The following EPC2 variants were observed in gnomAD, a reference collection of about 807,000 sequenced individuals.
The protein encoded by EPC2 is enhancer of polycomb homolog 2.
In EPC2, 14 loss-of-function variants were observed where a neutral mutation model predicts 92.1. The observed-to-expected ratio is 0.15, with a 90% confidence interval of 0.10 to 0.24. EPC2 has a LOEUF of 0.24. Ranked by LOEUF, EPC2 falls within the 10% of genes least tolerant of loss-of-function variation. The probability of loss-of-function intolerance (pLI) is 1.00; values close to 1 mark genes in which losing one functional copy is unlikely to be tolerated. For synonymous variants in EPC2, 340 were observed against 334.7 expected (o/e 1.02, Z -0.17); for missense variants, 755 against 971.5 (o/e 0.78, Z 2.96).
At chr2:148,699,277 G>C (rs1438215870) in intron 2 of EPC2, among the ~76,000 whole-genome samples, 4 of 152,158 alleles carry the variant, frequency 2.6e-5, no homozygotes, top group African/African-American at 9.7e-5. Context: ...GTATTAGTCA[G>C]TACATTTCTT....
chr2:148,712,866 T>C (rs1278822796), intron 2 of EPC2, among the ~76,000 whole-genome samples: 1 of 151,996 alleles, frequency 6.6e-6, no homozygotes, highest in Non-Finnish European at 1.5e-5. Context: ...CTGGGCAACA[T>C]TGTGAGATCC....
chr2:148,696,705 G>A (rs981306024), intron 2 of EPC2, among the ~76,000 whole-genome samples: 1 of 152,174 alleles, frequency 6.6e-6, no homozygotes, highest in African/African-American at 2.4e-5. Flanking sequence ...TGTGTTAGGA[G>A]GAGTTACCAA....
At chr2:148,646,612 A>T (rs199946292) in intron 1 of EPC2, among the ~76,000 whole-genome samples, 13 of 115,766 alleles carry the variant, frequency 1.1e-4, no homozygotes, top group Admixed American at 2.6e-4. Flanking sequence ...TTTTTTTTTT[A>T]ATTTGTTTCT....
rs1212904531 is a variant in EPC2, at chr2:148,663,193, TGTATTA to T, written c.153+18024_153+18029del. Among the ~76,000 whole-genome samples the T allele has an allele frequency of 6.2e-3, 610 of 98,640 alleles. 3 individuals carry two copies. The highest frequency in any genetic ancestry group is 0.02 in the African/African-American group (560 of 28,710). The allele number at this position is 98,640 out of a possible 152,430, so 64.7% of individuals were successfully genotyped here. A position where few individuals can be genotyped will look rare whatever the true frequency, so the allele number is the denominator to read the frequency against. On this transcript the variant is annotated intron_variant, in intron 1 of 13. Transcript: ENST00000258484. The stretch of plus-strand genomic sequence containing the variant: ...CCTCAAAAGGTATCTACTGTGTTTT[TGTATTA>T]TTATTATTATTATTATTATTATTAT...
At chr2:148,658,607 GTATATA>G (rs3076616) in intron 1 of EPC2, among the ~76,000 whole-genome samples, 18,188 of 140,866 alleles carry the variant, frequency 0.13, 1,497 homozygotes, top group East Asian at 0.3. Context: ...GTGTGTGTGT[GTATATA>G]TATATATATA....
At chr2:148,676,735 T>C (rs1398700126) in intron 1 of EPC2, among the ~76,000 whole-genome samples, 1 of 152,006 alleles carries the variant, frequency 6.6e-6, no homozygotes, top group Non-Finnish European at 1.5e-5. Flanking sequence ...TGTGTAATAG[T>C]GTAATTTACA....
At chr2:148,664,933 A>G (rs946675024) in intron 1 of EPC2, among the ~76,000 whole-genome samples, 1 of 152,238 alleles carries the variant, frequency 6.6e-6, no homozygotes, top group Non-Finnish European at 1.5e-5. Context: ...GGGTAAATAC[A>G]TACCTGAAGG....
At chr2:148,645,945 G>C (rs1266548531) in intron 1 of EPC2, among the ~76,000 whole-genome samples, 2 of 152,260 alleles carry the variant, frequency 1.3e-5, no homozygotes, top group East Asian at 3.8e-4. Context: ...GTCCTTAGAA[G>C]TTGAGGACCT....
chr2:148,704,475 A>G (rs1273124110), intron 2 of EPC2, among the ~76,000 whole-genome samples: 1 of 152,186 alleles, frequency 6.6e-6, no homozygotes, highest in Non-Finnish European at 1.5e-5. Flanking sequence ...ATTTAATACC[A>G]CTGAACTGCA....
chr2:148,692,548 C>T (rs1035697867), intron 2 of EPC2: 9 of 152,094 alleles, frequency 5.9e-5, no homozygotes, highest in East Asian at 1.9e-4. Context: ...AACACACATG[C>T]GAAAATTATT....
intron 6 of EPC2, among the ~76,000 whole-genome samples, chr2:148,764,305 A>G (rs952839036): frequency 1.3e-5 from 2 of 152,166 alleles, no homozygotes; most frequent in Non-Finnish European, 2.9e-5. Flanking sequence ...GAATGCCAGT[A>G]TGTTAAAACA....
intron 2 of EPC2, among the ~76,000 whole-genome samples, chr2:148,730,389 T>C (rs1379851454): frequency 1.3e-5 from 2 of 152,246 alleles, no homozygotes; most frequent in African/African-American, 4.8e-5. Context: ...GGTTTACAGA[T>C]TTTTAAAGTT....
chr2:148,677,160 C>T (rs1167516317), intron 1 of EPC2, among the ~76,000 whole-genome samples: 1 of 152,100 alleles, frequency 6.6e-6, no homozygotes, highest in Non-Finnish European at 1.5e-5. Context: ...AAAACGTTTA[C>T]TGTATTTTCT....
At chr2:148,722,011 A>T (rs559137878) in intron 2 of EPC2, among the ~76,000 whole-genome samples, 20 of 150,752 alleles carry the variant, frequency 1.3e-4, no homozygotes, top group East Asian at 3.9e-4. Context: ...TTGGAAAAGT[A>T]CAGCATTCTT....
At chr2:148,754,323 GA>G (rs1464504662) in intron 4 of EPC2, among the ~76,000 whole-genome samples, 190 bp downstream of exon 4, 1 of 152,082 alleles carries the variant, frequency 6.6e-6, no homozygotes, top group Non-Finnish European at 1.5e-5. Context: ...CCCACCACAA[GA>G]AATCCTACTT....
chr2:148,710,757 A>C (rs1209286459), intron 2 of EPC2, among the ~76,000 whole-genome samples: 1 of 152,196 alleles, frequency 6.6e-6, no homozygotes, highest in Non-Finnish European at 1.5e-5. Flanking sequence ...CAAAAAACCA[A>C]ACACCGCATG....
intron 13 of EPC2, 117 bp downstream of exon 13, chr2:148,785,118 A>C (rs1405527824): frequency 1.2e-6 from 1 of 824,716 alleles, no homozygotes; most frequent in African/African-American, 1.8e-5. Flanking sequence ...CTTGATTTTC[A>C]ATAGATACTG....
intron 1 of EPC2, among the ~76,000 whole-genome samples, chr2:148,669,378 G>T (rs553233183): frequency 6.6e-6 from 1 of 152,260 alleles, no homozygotes; most frequent in Non-Finnish European, 1.5e-5. Context: ...CTGGGATGCG[G>T]TTAAGTTACT....
intron 1 of EPC2, among the ~76,000 whole-genome samples, chr2:148,660,337 G>A (rs573756984): frequency 2.0e-5 from 3 of 152,276 alleles, no homozygotes; most frequent in African/African-American, 7.2e-5. Context: ...AGACATGGGC[G>A]TTGTAAGAGA....
Sources: allele counts gnomAD v4.1 joint callset (sites outside exome capture counted in the v4.1 genomes callset), GRCh38; gene constraint gnomAD v4.1.1; transcripts MANE v1.5; gene names NCBI Gene and HGNC (gene_info 2026-07-23, HGNC 2026-07-21).